Variants in TYW1B observed in about 807,000 individuals in gnomAD.
The protein encoded by TYW1B is tRNA-yW synthesizing protein 1 homolog B.
Under a neutral mutation model 86.9 loss-of-function variants are expected in TYW1B, and 73 were observed. The observed-to-expected ratio is 0.84, with a 90% CI of 0.70 to 1.02. TYW1B has a LOEUF of 1.02. Among genes scored for constraint, TYW1B ranks in the 50% least tolerant of loss-of-function variants. The probability of loss-of-function intolerance (pLI) is 0.00; values close to 1 mark genes in which losing one functional copy is unlikely to be tolerated. For missense variants in TYW1B, 637 were observed against 827.4 expected (o/e 0.77, Z 2.82); for synonymous variants, 248 against 292.8 (o/e 0.85, Z 1.56).
intron 11 of TYW1B, among the ~76,000 whole-genome samples, chr7:72,687,190 C>G (rs1276774352): frequency 6.6e-6 from 1 of 152,002 alleles, no homozygotes; most frequent in Non-Finnish European, 1.5e-5. Flanking sequence ...AATCCCAGAA[C>G]TTTGGGAGGG....
At position 72,625,522 on chromosome 7, in the gene TYW1B, G is replaced by A. The variant is rs369429346; in HGVS notation, c.1617+3365C>T. On this transcript the variant is annotated intron_variant, in intron 12 of 13. Coordinates refer to ENST00000620995, the MANE Select transcript of TYW1B (RefSeq NM_001145440.3). ...CGTCTGTCATCAAGCTACTTGGGAG[G>A]CTGAGGTGGGAGGATCACTTGAGCC... is the stretch of plus-strand genomic sequence containing the variant. 9.7e-5 allele frequency among the ~76,000 whole-genome samples: 11 copies of A among 113,322 alleles called. No individual in the cohort carries two copies. The East Asian group carries it at 1.4e-3, about 14-fold the overall frequency. The allele number at this position is 113,322 out of a possible 152,430, so 74.3% of individuals were successfully genotyped here. A position where few individuals can be genotyped will look rare whatever the true frequency, so the allele number is the denominator to read the frequency against.
intron 10 of TYW1B, among the ~76,000 whole-genome samples, chr7:72,709,673 CA>C (rs1165149554): frequency 9.6e-5 from 14 of 145,892 alleles, no homozygotes; most frequent in South Asian, 2.2e-4. Context: ...GTCTCAAAAA[CA>C]AAAAAAAAAA....
At chr7:72,647,914 G>A (rs1356748274) in intron 11 of TYW1B, among the ~76,000 whole-genome samples, 1 of 152,014 alleles carries the variant, frequency 6.6e-6, no homozygotes, top group African/African-American at 2.4e-5. Flanking sequence ...TCGAACTCCT[G>A]ACCTCAAGTG....
At chr7:72,707,036 T>C (rs571942273) in intron 10 of TYW1B, among the ~76,000 whole-genome samples, 9 of 152,340 alleles carry the variant, frequency 5.9e-5, no homozygotes, top group Admixed American at 5.9e-4. Context: ...AAGGTTATAC[T>C]CCTTGACAAG....
chr7:72,697,772 G>C (rs1814358369), intron 10 of TYW1B: 2 of 152,362 alleles, frequency 1.3e-5, no homozygotes, highest in African/African-American at 4.8e-5. Context: ...CCAATCCTCT[G>C]TACAAATGCC....
At chr7:72,817,511 C>T (rs1292558930) in intron 2 of TYW1B, among the ~76,000 whole-genome samples, 8 of 152,212 alleles carry the variant, frequency 5.3e-5, no homozygotes, top group East Asian at 1.9e-4. Flanking sequence ...ATCATTAACA[C>T]GTAATCTCCA....
At chr7:72,674,590 C>T (rs782045693) in intron 11 of TYW1B, among the ~76,000 whole-genome samples, 3 of 152,072 alleles carry the variant, frequency 2.0e-5, no homozygotes, top group East Asian at 1.9e-4. Flanking sequence ...CACCCAACCA[C>T]GCCTCCCAGA....
intron 11 of TYW1B, among the ~76,000 whole-genome samples, chr7:72,690,728 C>A (rs1358074840): frequency 6.6e-6 from 1 of 152,116 alleles, no homozygotes; most frequent in Non-Finnish European, 1.5e-5. Context: ...AATCTGGTAT[C>A]ATTTGAGTTT....
At chr7:72,576,492 A>G (rs1490117650) in intron 13 of TYW1B, among the ~76,000 whole-genome samples, 1 of 149,798 alleles carries the variant, frequency 6.7e-6, no homozygotes, top group Non-Finnish European at 1.5e-5. Flanking sequence ...ACAGACAAGT[A>G]CTTGTCATGC....
chr7:72,589,607 T>C (rs1811349321), intron 13 of TYW1B, among the ~76,000 whole-genome samples: 1 of 152,218 alleles, frequency 6.6e-6, no homozygotes, highest in Non-Finnish European at 1.5e-5. Flanking sequence ...CCGGGCATGG[T>C]GGCTCACGCC....
intron 11 of TYW1B, among the ~76,000 whole-genome samples, chr7:72,686,816 T>C (rs1814017319): frequency 6.6e-6 from 1 of 152,026 alleles, no homozygotes; most frequent in Admixed American, 6.6e-5. Context: ...AGGGGGGATA[T>C]GGAAAATCTC....
intron 9 of TYW1B, among the ~76,000 whole-genome samples, chr7:72,716,928 T>C (rs1483097559): frequency 4.0e-5 from 6 of 149,222 alleles, no homozygotes; most frequent in African/African-American, 9.8e-5. Flanking sequence ...ATAGGGTTCA[T>C]TGAAGGGACT....
chr7:72,731,714 C>CG lies in TYW1B; in HGVS notation c.1083-2784_1083-2783insC, dbSNP rs1787114212. ...ATCCCAGCACTTTGGGAGGCTGAGGCAGGGGGATCACGAGGTCAGGAGTTC... is the reference window on the plus strand; with the variant it reads ...ATCCCAGCACTTTGGGAGGCTGAGGCGAGGGGGATCACGAGGTCAGGAGTTC... On this transcript the variant is annotated intron_variant, in intron 8 of 13. Transcript: ENST00000620995. Among the ~76,000 whole-genome samples the CG allele has an allele frequency of 1.0e-3, 154 of 152,164 alleles. 2 individuals are homozygous for CG. The highest frequency in any genetic ancestry group is 1.6e-3 in the Non-Finnish European group (109 of 68,000).
intron 7 of TYW1B, among the ~76,000 whole-genome samples, chr7:72,773,547 G>A (rs1479715218): frequency 6.6e-6 from 1 of 152,142 alleles, no homozygotes; most frequent in Non-Finnish European, 1.5e-5. Context: ...ACAGAGCCTG[G>A]GGAGACAAAG....
intron 4 of TYW1B, among the ~76,000 whole-genome samples, 187 bp downstream of exon 4, chr7:72,810,284 T>C (rs578128914): frequency 6.6e-6 from 1 of 152,310 alleles, no homozygotes; most frequent in East Asian, 1.9e-4. Flanking sequence ...TCTCAATCAA[T>C]CAATAAATAA....
rs575377645 is a variant in TYW1B at position 72,621,752 on chromosome 7, C to T, written c.1618-4913G>A. 5.3e-5 allele frequency among the ~76,000 whole-genome samples: 8 copies of T among 152,332 alleles called. No individual in the cohort carries two copies. The East Asian group carries it at 7.7e-4, about 15-fold the overall frequency. ...AAAAATCAAGTCAGACATTCTCCTA[C>T]GACATTAAACTCCACAACTCTTTTC... On this transcript the variant is annotated intron_variant, in intron 12 of 13. Coordinates refer to ENST00000620995, the MANE Select transcript of TYW1B (RefSeq NM_001145440.3).
chr7:72,791,059 T>A, intron 6 of TYW1B, among the ~76,000 whole-genome samples: 1 of 152,234 alleles, frequency 6.6e-6, no homozygotes, highest in Non-Finnish European at 1.5e-5. Context: ...AGGGATCTGA[T>A]CCTTTTGAAT....
intron 11 of TYW1B, among the ~76,000 whole-genome samples, chr7:72,637,703 A>C (rs1173062162): frequency 6.6e-6 from 1 of 151,874 alleles, no homozygotes; most frequent in Non-Finnish European, 1.5e-5. Context: ...AAAAAAAAAA[A>C]AAACATTGTG....
intron 10 of TYW1B, among the ~76,000 whole-genome samples, chr7:72,710,434 CA>C (rs1786627078): frequency 6.6e-6 from 1 of 152,186 alleles, no homozygotes; most frequent in South Asian, 2.1e-4. Flanking sequence ...TATACAACTT[CA>C]AAAAGTAATA....
Sources: gnomAD v4.1 joint callset for allele counts (sites outside exome capture counted in the v4.1 genomes callset) on GRCh38, gnomAD v4.1.1 for gene constraint, MANE v1.5 for transcripts, NCBI Gene and HGNC (gene_info 2026-07-23, HGNC 2026-07-21) for gene names.